Variants in FLI1 observed in about 807,000 individuals in gnomAD.
FLI1 encodes Friend leukemia integration 1 transcription factor.
A neutral mutation model predicts 53.1 loss-of-function variants in FLI1; 13 were observed. The ratio of observed to expected loss-of-function variants is 0.24; its 90% CI spans 0.16 to 0.39. The LOEUF is 0.39. Among genes scored for constraint, FLI1 ranks in the 10% least tolerant of loss-of-function variants. The pLI is 1.00. For missense variants in FLI1, 424 were observed against 600.5 expected (o/e 0.71, Z 3.07); for synonymous variants, 244 against 236.7 (o/e 1.03, Z -0.28).
intron 1 of FLI1, among the ~76,000 whole-genome samples, chr11:128,745,675 C>G (rs1399352995): frequency 1.3e-5 from 2 of 152,246 alleles, no homozygotes; most frequent in African/African-American, 4.8e-5. Context: ...TGGATGCACG[C>G]CTCATCTGTG....
At chr11:128,727,834 G>A (rs185297377) in intron 1 of FLI1, among the ~76,000 whole-genome samples, 98 of 152,278 alleles carry the variant, frequency 6.4e-4, no homozygotes, top group Non-Finnish European at 1.2e-3. Flanking sequence ...CACAACCACA[G>A]CCCATCTCAG....
intron 2 of FLI1, among the ~76,000 whole-genome samples, chr11:128,759,662 T>C (rs1303924021): frequency 2.0e-5 from 3 of 152,198 alleles, no homozygotes; most frequent in Non-Finnish European, 4.4e-5. Context: ...AGGCTGGTGC[T>C]GTGAGCAGCC....
intron 8 of FLI1, among the ~76,000 whole-genome samples, chr11:128,809,977 T>TA (rs1942896245): frequency 6.6e-6 from 1 of 152,150 alleles, no homozygotes; most frequent in Non-Finnish European, 1.5e-5. Flanking sequence ...ATCCAAAAGC[T>TA]AAAGCTCATG....
At chr11:128,731,304 G>C (rs544616086) in intron 1 of FLI1, among the ~76,000 whole-genome samples, 29 of 98,844 alleles carry the variant, frequency 2.9e-4, no homozygotes, top group Admixed American at 6.0e-4. Flanking sequence ...ACCTAAATGT[G>C]GGGGGGTTGG....
chr11:128,767,727 C>A (rs1302128551), intron 2 of FLI1, among the ~76,000 whole-genome samples: 1 of 152,166 alleles, frequency 6.6e-6, no homozygotes, highest in African/African-American at 2.4e-5. Flanking sequence ...TCCTTATAAC[C>A]AAGGCGGGCA....
chr11:128,725,170 T>C (rs1402651913), intron 1 of FLI1, among the ~76,000 whole-genome samples: 1 of 152,236 alleles, frequency 6.6e-6, no homozygotes, highest in Non-Finnish European at 1.5e-5. Context: ...TTTTGGGCTC[T>C]TCTAGCCTCA....
intron 4 of FLI1, among the ~76,000 whole-genome samples, chr11:128,779,564 T>C (rs1941845675): frequency 6.6e-6 from 1 of 152,236 alleles, no homozygotes. Context: ...CGATCATAGC[T>C]AGCATTTATG....
At chr11:128,728,480 T>C (rs1939568126) in intron 1 of FLI1, among the ~76,000 whole-genome samples, 1 of 152,248 alleles carries the variant, frequency 6.6e-6, no homozygotes, top group Admixed American at 6.5e-5. Context: ...CTCCTGCGTG[T>C]TGACGCTTGG....
At chr11:128,726,204 CT>C (rs1480862000) in intron 1 of FLI1, among the ~76,000 whole-genome samples, 1 of 152,166 alleles carries the variant, frequency 6.6e-6, no homozygotes, top group Non-Finnish European at 1.5e-5. Flanking sequence ...CTCAGCCCCC[CT>C]GCCCTCCCCT....
At chr11:128,735,416 T>C (rs1451779372) in intron 1 of FLI1, among the ~76,000 whole-genome samples, 1 of 152,226 alleles carries the variant, frequency 6.6e-6, no homozygotes, top group South Asian at 2.1e-4. Flanking sequence ...CTTATTTGTA[T>C]TGATGGATTT....
At chr11:128,700,804 G>A (rs1349961756) in intron 1 of FLI1, among the ~76,000 whole-genome samples, 1 of 152,138 alleles carries the variant, frequency 6.6e-6, no homozygotes, top group Non-Finnish European at 1.5e-5. Context: ...AGCCAAGGGA[G>A]GTCAAGGCTA....
chr11:128,768,327 G>T (rs769459223), intron 3 of FLI1, 55 bp downstream of exon 3: 37 of 1,590,412 alleles, frequency 2.3e-5, no homozygotes, highest in Non-Finnish European at 3.2e-5. Context: ...TCTCTGGGGG[G>T]GCAGGGAGCA....
chr11:128,764,769 C>G, intron 2 of FLI1: 1 of 1,591,146 alleles, frequency 6.3e-7, no homozygotes. Context: ...GGAGGAGGCA[C>G]GGTGCTTGGG....
chr11:128,720,604 G>A (rs559530085), intron 1 of FLI1, among the ~76,000 whole-genome samples: 2 of 152,294 alleles, frequency 1.3e-5, no homozygotes, highest in South Asian at 4.1e-4. Context: ...CCCAGGGCCC[G>A]ATCTGATAGC....
chr11:128,761,343 C>T (rs148812633), intron 2 of FLI1, among the ~76,000 whole-genome samples: 250 of 152,352 alleles, frequency 1.6e-3, no homozygotes, highest in Non-Finnish European at 2.2e-3. Flanking sequence ...AGCGCCTCCT[C>T]ACTCTTTACC....
chr11:128,718,655 T>G (rs996374173), intron 1 of FLI1, among the ~76,000 whole-genome samples: 3 of 152,246 alleles, frequency 2.0e-5, no homozygotes, highest in Non-Finnish European at 2.9e-5. Flanking sequence ...TTGTTTTGGT[T>G]TGGGTTTTTT....
In FLI1 at chr11:128,707,068, G is replaced by T. The variant is rs564451449; in HGVS notation, c.18+12792G>T. On this transcript the variant is annotated intron_variant, in intron 1 of 8. Coordinates refer to ENST00000527786, the MANE Select transcript of FLI1 (RefSeq NM_002017.5). ...GAGACTGTGAGGGGGTTATGGGCAC[G>T]GTTGGTGTGCTCTGCTTTGTATAAC... 3.4e-4 allele frequency among the ~76,000 whole-genome samples: 52 copies of T among 152,308 alleles called. 1 individual carries two copies. In the South Asian group the frequency reaches 9.8e-3, roughly 29 times the overall value.
At chr11:128,785,584 G>A (rs1167578385) in intron 5 of FLI1, among the ~76,000 whole-genome samples, 1 of 152,138 alleles carries the variant, frequency 6.6e-6, no homozygotes, top group African/African-American at 2.4e-5. Flanking sequence ...TGAATGTTTT[G>A]CATTACTTGA....
upstream of FLI1, chr11:128,692,861 G>A (rs1937809940): frequency 6.6e-6 from 1 of 152,272 alleles, no homozygotes; most frequent in Admixed American, 6.5e-5. Flanking sequence ...GCCCCTCGAG[G>A]CTGCTCCAAC....
Sources: allele counts gnomAD v4.1 joint callset (sites outside exome capture counted in the v4.1 genomes callset), GRCh38; gene constraint gnomAD v4.1.1; transcripts MANE v1.5; gene names NCBI Gene and HGNC (gene_info 2026-07-23, HGNC 2026-07-21).